GPC4: variants seen among roughly 807,000 people sequenced by gnomAD.
The protein encoded by GPC4 is glypican 4, also known as glypican-4.
GPC4 carries 10 observed loss-of-function variants against 35.0 expected under a neutral mutation model. The observed-to-expected ratio is 0.29, with a 90% CI of 0.18 to 0.48. GPC4 has a LOEUF of 0.48. GPC4 is among the 20% of genes least tolerant of loss of function. GPC4 has a pLI of 0.99. For synonymous variants in GPC4, 167 were observed against 170.2 expected, an observed-to-expected ratio of 0.98 and a Z score of 0.15; for missense variants, 322 against 451.3, an observed-to-expected ratio of 0.71 and a Z score of 2.60.
chrX:133,402,991 C>T (rs186806009), intron 1 of GPC4, among the ~76,000 whole-genome samples: 21 of 109,921 alleles, frequency 1.9e-4, no homozygotes, highest in Admixed American at 1.8e-3. Context: ...GAACAGACAG[C>T]GTAAGAAGTA....
intron 1 of GPC4, among the ~76,000 whole-genome samples, chrX:133,354,568 A>ATTTTT (rs77166014): frequency 0.013 from 1,246 of 95,151 alleles, 37 homozygotes; most frequent in African/African-American, 0.046. Context: ...TTATTTATTT[A>ATTTTT]TTTTTTTTTT....
At chrX:133,320,555 T>C (rs576921496) in intron 3 of GPC4, among the ~76,000 whole-genome samples, 1 of 95,051 alleles carries the variant, frequency 1.1e-5, no homozygotes, top group South Asian at 5.1e-4. Context: ...ACCCAGGAGA[T>C]GGAGGTTGCA....
chrX:133,341,792 G>A (rs1405339819), intron 1 of GPC4, among the ~76,000 whole-genome samples: 2 of 110,575 alleles, frequency 1.8e-5, no homozygotes, highest in Non-Finnish European at 3.8e-5. Flanking sequence ...ATGTTGACAG[G>A]TTTAAACTCA....
Position 133,303,006 on chromosome X carries a change from A to G in GPC4, c.1532T>C (p.Phe511Ser). Residue 511 changes from phenylalanine to serine, a missense_variant, in exon 9 of 9, where the codon TTT becomes TCT. By Grantham distance (155) the Phe-to-Ser change is radical (BLOSUM62 -2). This residue lies in a region of GPC4 where 99 missense variants were observed against 110.0 expected (regional missense o/e 0.90). Transcript: ENST00000370828. ...GCEYQQCPSE[F>S]DYNATDHAGK... ...AGCATGGTCAGTGGCATTGTAGTCA[A>G]ACTCTGAAGGGCACTGCTGATACTC... The G allele has an allele frequency of 3.3e-6, 4 of 1,211,474 alleles. No individual in the cohort carries two copies. Among genetic ancestry groups the G allele is most frequent in the Non-Finnish European group, 4.5e-6 (4 of 895,432 alleles).
chrX:133,339,478 G>A, intron 1 of GPC4, 137 bp from the exon 2 acceptor site: 1 of 461,824 alleles, frequency 2.2e-6, no homozygotes. Flanking sequence ...ACAAGTTCCA[G>A]GAAGTCTAAA....
In GPC4 at chrX:133,363,557, A is replaced by T. The variant is rs139684383; in HGVS notation, c.161-24216T>A. ...TCTTTTTCCCCAACCCTCATCAGCT[A>T]GGCAAACCATGCTGTTAGCATTAGA... On this transcript the variant is annotated intron_variant, in intron 1 of 8. Coordinates refer to ENST00000370828, the MANE Select transcript of GPC4 (RefSeq NM_001448.3). 6.7e-3 allele frequency among the ~76,000 whole-genome samples: 747 copies of T among 111,489 alleles called. 5 individuals are homozygous for T. The highest frequency in any genetic ancestry group is 0.014 in the Middle Eastern group (3 of 218).
chrX:133,397,049 GCAA>G (rs2068746637), intron 1 of GPC4, among the ~76,000 whole-genome samples: 2 of 112,135 alleles, frequency 1.8e-5, no homozygotes, highest in Admixed American at 9.5e-5. Context: ...GAGCTTAGAA[GCAA>G]CCAAGAAAAT....
chrX:133,339,415 G>A (rs1047495568), intron 1 of GPC4, 74 bp from the exon 2 acceptor site: 4 of 1,000,279 alleles, frequency 4.0e-6, no homozygotes, highest in Non-Finnish European at 4.1e-6. Context: ...TTTGATTTAG[G>A]TTCATTTCAA....
intron 1 of GPC4, among the ~76,000 whole-genome samples, chrX:133,413,588 G>C (rs749527565): frequency 2.8e-5 from 3 of 106,339 alleles, no homozygotes; most frequent in African/African-American, 1.0e-4. Flanking sequence ...AGGCAAAGGC[G>C]CGCTCCACTC....
At chrX:133,323,420 CA>C (rs1262823488) in intron 3 of GPC4, among the ~76,000 whole-genome samples, 1 of 111,749 alleles carries the variant, frequency 8.9e-6, no homozygotes, top group Non-Finnish European at 1.9e-5. Context: ...GTGGAGGTTG[CA>C]AGTGAGCCGA....
At chrX:133,376,933 CCTTCAACCTCAGAGCAACTGG>C (rs2124163138) in intron 1 of GPC4, among the ~76,000 whole-genome samples, 1 of 111,825 alleles carries the variant, frequency 8.9e-6, no homozygotes, top group Admixed American at 9.5e-5. Context: ...TCCTGGAAGG[CCTTCAACCTCAGAGCAACTGG>C]ACAAGCAGAA....
At chrX:133,311,999 A>G (rs906229111) in intron 3 of GPC4, among the ~76,000 whole-genome samples, 1 of 111,973 alleles carries the variant, frequency 8.9e-6, no homozygotes, top group Admixed American at 9.5e-5. Context: ...GGCAAAGTTA[A>G]TATATTCTAC....
chrX:133,312,676 G>GA (rs775668270), intron 3 of GPC4, among the ~76,000 whole-genome samples: 1 of 92,782 alleles, frequency 1.1e-5, no homozygotes, highest in African/African-American at 4.9e-5. Context: ...GAAAGGAAAG[G>GA]AAGAAAGAAA....
At chrX:133,313,027 A>G (rs2068323330) in intron 3 of GPC4, among the ~76,000 whole-genome samples, 1 of 112,000 alleles carries the variant, frequency 8.9e-6, no homozygotes, top group Non-Finnish European at 1.9e-5. Context: ...AGTCAGTATC[A>G]GAGGATTAGT....
intron 1 of GPC4, among the ~76,000 whole-genome samples, chrX:133,348,657 A>G (rs866805927): frequency 8.9e-5 from 10 of 112,588 alleles, no homozygotes; most frequent in African/African-American, 3.2e-4. Flanking sequence ...CACTAGGCTC[A>G]TAATTTAACA....
At chrX:133,399,970 C>T (rs867077995) in intron 1 of GPC4, among the ~76,000 whole-genome samples, 4 of 111,549 alleles carry the variant, frequency 3.6e-5, no homozygotes, top group African/African-American at 6.5e-5. Context: ...CCAGCCTGGG[C>T]GACAGAGCAA....
rs1296475294 is a variant in GPC4, at chrX:133,414,982, G to A, written c.-17C>T. ...CCGTGCCATGGTGCGGGCCGGGGCGGACGCGTTCCCACCTTTGGGACCGGA... is the reference window on the plus strand; with the variant it reads ...CCGTGCCATGGTGCGGGCCGGGGCGAACGCGTTCCCACCTTTGGGACCGGA... On this transcript the variant is annotated 5_prime_UTR_variant, in exon 1 of 9. Coordinates refer to ENST00000370828, the MANE Select transcript of GPC4 (RefSeq NM_001448.3). The A allele has an allele frequency of 3.3e-6, 4 of 1,202,306 alleles. No homozygotes were observed. Among genetic ancestry groups the A allele is most frequent in the Admixed American group, 2.2e-5 (1 of 45,597 alleles).
At chrX:133,324,064 T>G in intron 3 of GPC4, 81 bp downstream of exon 3, 1 of 1,074,983 alleles carries the variant, frequency 9.3e-7, no homozygotes, top group Non-Finnish European at 1.2e-6. Context: ...TGGTGATTTA[T>G]TTTTCTACCT....
chrX:133,306,068 C>T lies in GPC4; in HGVS notation c.964G>A (p.Ala322Thr). ...MDPIDVKISDAIMNMQDNSVQ... is the reference protein window; with the variant it reads ...MDPIDVKISDTIMNMQDNSVQ... ...CTATTATCCTGCATGTTCATAATAG[C>T]ATCAGAAATCTTCACATCGATGGGA... The change falls in exon 5 of 9, where the codon GCT becomes ACT. Residue 322 changes from alanine to threonine, a missense_variant. Ala to Thr is a moderately conservative substitution (Grantham distance 58). Around this residue, in one of 3 missense-constraint regions of GPC4, gnomAD observed 163 missense variants for 277.2 expected, o/e 0.59. Coordinates refer to ENST00000370828, the MANE Select transcript of GPC4 (RefSeq NM_001448.3). The T allele has an allele frequency of 8.3e-7, 1 of 1,210,692 alleles. No homozygotes were observed.
Sources: allele counts gnomAD v4.1 joint callset (sites outside exome capture counted in the v4.1 genomes callset), GRCh38; gene constraint gnomAD v4.1.1; regional missense constraint gnomAD v4.1.1; transcripts MANE v1.5; gene names NCBI Gene and HGNC (gene_info 2026-07-23, HGNC 2026-07-21).